GML: variants seen among roughly 807,000 people sequenced by gnomAD.
GML encodes glycosylphosphatidylinositol anchored molecule like, also known as glycosyl-phosphatidylinositol-anchored molecule-like protein.
GML carries 5 observed loss-of-function variants against 8.2 expected under a neutral mutation model. That is an observed-to-expected ratio of 0.61 (90% confidence interval 0.32 to 1.28). GML has a LOEUF of 1.28. GML is among the 50% of genes most tolerant of loss of function. GML has a pLI of 0.06. For missense variants in GML, 191 were observed against 198.3 expected (o/e 0.96, Z 0.22); for synonymous variants, 72 against 69.0 (o/e 1.04, Z -0.22).
chr8:142,835,220 GACCC>G (rs1816318350), intron 1 of GML, among the ~76,000 whole-genome samples: 12 of 151,578 alleles, frequency 7.9e-5, no homozygotes, highest in African/African-American at 1.5e-4. Context: ...GTCCCAGGGA[GACCC>G]CCCAACTATG....
At chr8:142,842,079 T>C (rs534604558) in intron 3 of GML, among the ~76,000 whole-genome samples, 13 of 152,188 alleles carry the variant, frequency 8.5e-5, no homozygotes, top group South Asian at 2.1e-4. Context: ...GGGAGGTAAT[T>C]GAATCATGTG....
rs1816428184 is a variant in GML at position 142,841,174 on chromosome 8, A to T, written c.130A>T (p.Asn44Tyr). Residue 44 changes from asparagine to tyrosine, a missense_variant, in exon 3 of 4, where the codon AAC becomes TAC. Asn to Tyr is a moderately radical substitution (Grantham distance 143). Transcript: ENST00000220940. ...GGTCATAAATGACTTCAACTGTCCC[A>T]ACATTAGAGTATGTCCGTATCATAT... ...CAVINDFNCP[N>Y]IRVCPYHIRR... 3 of 1,588,340 alleles carry T rather than the reference A, an allele frequency of 1.9e-6. No homozygotes were observed. Among genetic ancestry groups the T allele is most frequent in the Non-Finnish European group, 2.6e-6 (3 of 1,156,682 alleles).
chr8:142,842,055 G>A (rs945247437), intron 3 of GML, among the ~76,000 whole-genome samples: 6 of 152,162 alleles, frequency 3.9e-5, no homozygotes, highest in Non-Finnish European at 5.9e-5. Flanking sequence ...CGTGTGTCAT[G>A]GGAGGGACCT....
intron 3 of GML, among the ~76,000 whole-genome samples, chr8:142,844,099 G>A (rs1019320982): frequency 8.7e-6 from 1 of 115,312 alleles, no homozygotes; most frequent in African/African-American, 3.3e-5. Context: ...AATCAAAACG[G>A]TTTGGTGTTG....
intron 1 of GML, among the ~76,000 whole-genome samples, chr8:142,836,825 G>A (rs1373975385): frequency 6.6e-6 from 1 of 152,162 alleles, no homozygotes; most frequent in Non-Finnish European, 1.5e-5. Flanking sequence ...AACCCTAACT[G>A]AAGCCATCTT....
At chr8:142,845,202 A>G (rs529553795) in intron 3 of GML, among the ~76,000 whole-genome samples, 75 of 152,374 alleles carry the variant, frequency 4.9e-4, no homozygotes, top group African/African-American at 1.7e-3. Flanking sequence ...TTCATTTCAT[A>G]AAGTTCAAAA....
At chr8:142,839,650 C>T (rs1390078887) in intron 1 of GML, among the ~76,000 whole-genome samples, 3 of 152,146 alleles carry the variant, frequency 2.0e-5, no homozygotes, top group African/African-American at 2.4e-5. Context: ...CCCCTTGAGT[C>T]GGGCTGCTGA....
At chr8:142,836,313 G>A (rs2130211333) in intron 1 of GML, among the ~76,000 whole-genome samples, 1 of 152,320 alleles carries the variant, frequency 6.6e-6, no homozygotes. Context: ...AGTGTCCAGA[G>A]AGTTGGAGAA....
In GML at chr8:142,840,505, C is replaced by T. The variant is rs763664633; in HGVS notation, c.68C>T (p.Ala23Val). Reference sequence around the variant, plus strand: ...GTGGCAGCCAGTGCCACCATGCGCGCTCAGTGTAAGTATCATTCCCTCTCA... The same window carrying T: ...GTGGCAGCCAGTGCCACCATGCGCGTTCAGTGTAAGTATCATTCCCTCTCA... ...PLVAASATMR[A>V]QWTYSLRCHD... The change falls in exon 2 of 4, where the codon GCT (alanine) becomes GTT (valine). Residue 23 changes from alanine to valine, a missense_variant. Physicochemically the swap from Ala to Val is moderately conservative, Grantham distance 64 (BLOSUM62 0). Coordinates refer to ENST00000220940, the MANE Select transcript of GML (RefSeq NM_002066.3). 1 of 1,606,784 alleles carries T rather than the reference C, an allele frequency of 6.2e-7. No homozygotes were observed. The highest frequency in any genetic ancestry group is 8.5e-7 in the Non-Finnish European group (1 of 1,173,254).
At position 142,841,337 on chromosome 8, in the gene GML, C is replaced by G. The variant is rs1816432110; in HGVS notation, c.181+112C>G. ...TCTGCACCCAGCTCTGTTTCCCCTT[C>G]CCTCATGTCCTCCCATCCTGAGTGC... is the stretch of plus-strand genomic sequence containing the variant. On this transcript the variant is annotated intron_variant, in intron 3 of 3. Coordinates refer to ENST00000220940, the MANE Select transcript of GML (RefSeq NM_002066.3). 4.4e-6 allele frequency: 3 copies of G among 685,546 alleles called. No individual in the cohort carries two copies. In the African/African-American group the frequency reaches 5.3e-5, roughly 12 times the overall value. The allele number at this position is 685,546 out of a possible 1,614,324, so 42.5% of individuals were successfully genotyped here.
At chr8:142,840,941 C>T (rs1816422815) in intron 2 of GML, among the ~76,000 whole-genome samples, 177 bp from the exon 3 acceptor site, 1 of 152,176 alleles carries the variant, frequency 6.6e-6, no homozygotes, top group Admixed American at 6.5e-5. Flanking sequence ...GGCCTCCCTC[C>T]CAGGAGCTAG....
At position 142,840,518 on chromosome 8, in the gene GML, T is replaced by C. The variant is rs751056563; in HGVS notation, c.73+8T>C. ...CCACCATGCGCGCTCAGTGTAAGTA[T>C]CATTCCCTCTCACTGTCCTGGAGAG... On this transcript the variant is annotated splice_region_variant and intron_variant, in intron 2 of 3. Coordinates refer to ENST00000220940, the MANE Select transcript of GML (RefSeq NM_002066.3). The C allele has an allele frequency of 6.3e-7, 1 of 1,588,594 alleles. No individual in the cohort carries two copies. Among genetic ancestry groups the C allele is most frequent in the Admixed American group, 1.7e-5 (1 of 59,974 alleles).
chr8:142,835,148 A>C, intron 1 of GML, among the ~76,000 whole-genome samples: 2 of 147,198 alleles, frequency 1.4e-5, no homozygotes, highest in African/African-American at 2.5e-5. Context: ...TCCCAGGGAG[A>C]CCCCCTAATT....
chr8:142,840,502 G>A lies in GML; in HGVS notation c.65G>A (p.Arg22His), dbSNP rs200642476. Residue 22 changes from arginine (R) to histidine (H), a missense_variant, in exon 2 of 4, where the codon CGC (arginine) becomes CAC (histidine). By Grantham distance (29) the Arg-to-His change is conservative. Transcript: ENST00000220940. Reference sequence around the variant, plus strand: ...TTGGTGGCAGCCAGTGCCACCATGCGCGCTCAGTGTAAGTATCATTCCCTC... The same window carrying A: ...TTGGTGGCAGCCAGTGCCACCATGCACGCTCAGTGTAAGTATCATTCCCTC... ...LPLVAASATMRAQWTYSLRCH... is the reference protein window; with the variant it reads ...LPLVAASATMHAQWTYSLRCH... 4.0e-5 allele frequency: 64 copies of A among 1,607,648 alleles called. No individual in the cohort carries two copies. Among genetic ancestry groups the A allele is most frequent in the Middle Eastern group, 3.3e-4 (2 of 6,074 alleles).
chr8:142,845,209 A>G (rs892215133), intron 3 of GML, among the ~76,000 whole-genome samples: 1 of 152,272 alleles, frequency 6.6e-6, no homozygotes, highest in Non-Finnish European at 1.5e-5. Context: ...CATAAAGTTC[A>G]AAACCAAACA....
At chr8:142,839,317 T>C (rs75280229) in intron 1 of GML, among the ~76,000 whole-genome samples, 23,984 of 152,106 alleles carry the variant, frequency 0.16, 2,318 homozygotes, top group East Asian at 0.48. Context: ...TCTTTTTTCC[T>C]AAACTTGATG....
Position 142,840,452 on chromosome 8 carries a change from C to T in GML, c.15C>T (p.Ala5=), listed in dbSNP as rs757878193. ...TGCGTGAAGTGATGCTCCTCTTTGC[C>T]TTACTCCTAGCCATGGAGCTCCCAT... MLLF[A]LLLAMELPLV... Residue 5 remains alanine (A), a synonymous_variant, in exon 2 of 4, where the codon GCC becomes GCT. Coordinates refer to ENST00000220940, the MANE Select transcript of GML (RefSeq NM_002066.3). 1.2e-6 allele frequency: 2 copies of T among 1,613,570 alleles called. No homozygotes were observed. The highest frequency in any genetic ancestry group is 8.5e-7 in the Non-Finnish European group (1 of 1,179,470).
chr8:142,846,782 C>T lies in GML; in HGVS notation c.*92C>T, dbSNP rs905407772. The T allele has an allele frequency of 2.1e-5, 19 of 913,932 alleles. 1 individual carries two copies. The highest frequency in any genetic ancestry group is 1.2e-4 in the Admixed American group (5 of 42,728). 56.6% of individuals were successfully genotyped at this position (913,932 alleles called of 1,614,324 possible). ...CCCTTCTAAGCCAGAGACCCTTATCCACTGCTCCTCTAGGTGGCCCATTTA... is the reference window on the plus strand; with the variant it reads ...CCCTTCTAAGCCAGAGACCCTTATCTACTGCTCCTCTAGGTGGCCCATTTA... On this transcript the variant is annotated 3_prime_UTR_variant, in exon 4 of 4. Transcript: ENST00000220940.
chr8:142,835,259 G>C (rs1816319531), intron 1 of GML, among the ~76,000 whole-genome samples: 1 of 126,042 alleles, frequency 7.9e-6, no homozygotes, highest in African/African-American at 3.1e-5. Flanking sequence ...GGAGATGCCA[G>C]CACCCCAACT....
Sources: allele counts gnomAD v4.1 joint callset (sites outside exome capture counted in the v4.1 genomes callset), GRCh38; gene constraint gnomAD v4.1.1; transcripts MANE v1.5; gene names NCBI Gene and HGNC (gene_info 2026-07-23, HGNC 2026-07-21).